The following CDH13 variants were observed in gnomAD, a reference collection of about 807,000 sequenced individuals.
The protein encoded by CDH13 is cadherin-13.
Under a neutral mutation model 63.8 loss-of-function variants are expected in CDH13, and 24 were observed. That is an observed-to-expected ratio of 0.38 (90% CI 0.27 to 0.53). CDH13 has a LOEUF of 0.53. CDH13 is among the 20% of genes least tolerant of loss of function. The pLI is 0.85. For missense variants in CDH13, 1,049 were observed against 903.1 expected, an observed-to-expected ratio of 1.16 and a Z score of -2.07; for synonymous variants, 503 against 355.3, an observed-to-expected ratio of 1.42 and a Z score of -4.67.
At chr16:83,048,985 TTC>T (rs1044358893) in intron 3 of CDH13, among the ~76,000 whole-genome samples, 16 of 152,158 alleles carry the variant, frequency 1.1e-4, no homozygotes, top group African/African-American at 2.4e-4. Context: ...TTGGTGAAAA[TTC>T]TCTCTTTTGA....
At chr16:83,773,505 C>T (rs1163427915) in intron 11 of CDH13, among the ~76,000 whole-genome samples, 2 of 152,080 alleles carry the variant, frequency 1.3e-5, no homozygotes, top group Non-Finnish European at 2.9e-5. Context: ...CTTATAAAAC[C>T]ATCCGATCTC....
intron 1 of CDH13, among the ~76,000 whole-genome samples, chr16:82,655,362 G>A (rs1911180141): frequency 6.6e-6 from 1 of 152,190 alleles, no homozygotes; most frequent in African/African-American, 2.4e-5. Flanking sequence ...GTGTCCTGGA[G>A]AGGAGACATT....
At chr16:83,060,888 C>G (rs564257069) in intron 3 of CDH13, among the ~76,000 whole-genome samples, 3 of 152,306 alleles carry the variant, frequency 2.0e-5, no homozygotes, top group East Asian at 1.9e-4. Flanking sequence ...CCTATTCCAA[C>G]TGGTACTACT....
At chr16:83,593,596 G>T (rs1906969006) in intron 7 of CDH13, among the ~76,000 whole-genome samples, 2 of 151,162 alleles carry the variant, frequency 1.3e-5, no homozygotes, top group Non-Finnish European at 2.9e-5. Context: ...ATGTAATAGT[G>T]TATAAACATA....
intron 2 of CDH13, among the ~76,000 whole-genome samples, chr16:82,901,705 G>T (rs1361111727): frequency 6.6e-6 from 1 of 152,194 alleles, no homozygotes; most frequent in Non-Finnish European, 1.5e-5. Flanking sequence ...GCTGCGGCAT[G>T]TGCTAGGTAT....
chr16:82,721,246 G>A (rs759909343), intron 1 of CDH13, among the ~76,000 whole-genome samples: 1 of 151,756 alleles, frequency 6.6e-6, no homozygotes, highest in Non-Finnish European at 1.5e-5. Flanking sequence ...CTTGGTAGTG[G>A]GTTCACATAC....
chr16:83,049,613 G>C (rs148257138), intron 3 of CDH13, among the ~76,000 whole-genome samples: 1 of 152,140 alleles, frequency 6.6e-6, no homozygotes, highest in Non-Finnish European at 1.5e-5. Context: ...GGGATTACAG[G>C]CGTGAATGAC....
At chr16:83,580,284 C>T (rs1905442094) in intron 7 of CDH13, among the ~76,000 whole-genome samples, 1 of 151,948 alleles carries the variant, frequency 6.6e-6, no homozygotes, top group African/African-American at 2.4e-5. Flanking sequence ...TTTTTGTGGC[C>T]TGACTTACAG....
At chr16:83,538,730 G>C (rs750145146) in intron 7 of CDH13, among the ~76,000 whole-genome samples, 11 of 152,174 alleles carry the variant, frequency 7.2e-5, no homozygotes, top group Non-Finnish European at 1.2e-4. Context: ...GACAAGGTTG[G>C]AAGGAATAAT....
chr16:82,998,004 C>G (rs1912436780), intron 2 of CDH13, among the ~76,000 whole-genome samples: 1 of 152,156 alleles, frequency 6.6e-6, no homozygotes, highest in South Asian at 2.1e-4. Context: ...TGTTGTATTT[C>G]ATAAATAGAG....
At chr16:83,475,881 G>A (rs2073590902) in intron 6 of CDH13, among the ~76,000 whole-genome samples, 1 of 152,116 alleles carries the variant, frequency 6.6e-6, no homozygotes, top group African/African-American at 2.4e-5. Context: ...CACCATGCCT[G>A]GCCTATGGTC....
At chr16:83,576,214 T>G (rs1905077761) in intron 7 of CDH13, among the ~76,000 whole-genome samples, 1 of 152,232 alleles carries the variant, frequency 6.6e-6, no homozygotes, top group Non-Finnish European at 1.5e-5. Context: ...TCTGTCTCTA[T>G]GGATTTATCC....
At chr16:82,974,508 C>G (rs764764932) in intron 2 of CDH13, among the ~76,000 whole-genome samples, 2 of 152,018 alleles carry the variant, frequency 1.3e-5, no homozygotes, top group East Asian at 1.9e-4. Flanking sequence ...GAATAATGAC[C>G]CCAATGATAT....
intron 2 of CDH13, among the ~76,000 whole-genome samples, chr16:82,934,358 G>A (rs1407565753): frequency 6.6e-6 from 1 of 152,182 alleles, no homozygotes; most frequent in East Asian, 1.9e-4. Flanking sequence ...GAGAAGCTGG[G>A]ACACAGAGCA....
At chr16:83,487,472 G>T (rs749693549) in intron 7 of CDH13, among the ~76,000 whole-genome samples, 2 of 152,096 alleles carry the variant, frequency 1.3e-5, no homozygotes, top group Admixed American at 6.5e-5. Context: ...CTCCCACCTC[G>T]ATTACGTTTC....
chr16:83,153,110 G>C (rs922823160), intron 4 of CDH13, among the ~76,000 whole-genome samples: 11 of 152,310 alleles, frequency 7.2e-5, no homozygotes, highest in Admixed American at 1.3e-4. Flanking sequence ...AGCTGTGTGG[G>C]AGACTGGAGT....
chr16:82,905,735 A>G (rs2041624039), intron 2 of CDH13, among the ~76,000 whole-genome samples: 1 of 152,180 alleles, frequency 6.6e-6, no homozygotes, highest in South Asian at 2.1e-4. Flanking sequence ...TGTGTAATCA[A>G]TATGATAAAT....
At chr16:83,534,558 G>C (rs1450089930) in intron 7 of CDH13, among the ~76,000 whole-genome samples, 1 of 152,246 alleles carries the variant, frequency 6.6e-6, no homozygotes, top group East Asian at 1.9e-4. Flanking sequence ...GGTGATGCCT[G>C]TCTTTTGTGG....
At chr16:82,977,701 A>G (rs1909712096) in intron 2 of CDH13, among the ~76,000 whole-genome samples, 1 of 152,332 alleles carries the variant, frequency 6.6e-6, no homozygotes, top group African/African-American at 2.4e-5. Flanking sequence ...AAAATGGACT[A>G]ATACAGCAAA....
Sources: gnomAD v4.1 joint callset for allele counts (sites outside exome capture counted in the v4.1 genomes callset) on GRCh38, gnomAD v4.1.1 for gene constraint, MANE v1.5 for transcripts, NCBI Gene and HGNC (gene_info 2026-07-23, HGNC 2026-07-21) for gene names.